Variants in GJB7 observed in about 807,000 individuals in gnomAD.
The protein encoded by GJB7 is gap junction beta-7 protein.
For missense variants in GJB7, 253 were observed against 256.8 expected (o/e 0.99, Z 0.10); for synonymous variants, 87 against 95.2 (o/e 0.91, Z 0.50).
At chr6:87,302,807 C>T (rs1776355130) in intron 2 of GJB7, among the ~76,000 whole-genome samples, 1 of 152,124 alleles carries the variant, frequency 6.6e-6, no homozygotes. Context: ...AAAGGGAAGC[C>T]CATCAGACTA....
intron 2 of GJB7, chr6:87,300,453 C>A: frequency 4.2e-6 from 1 of 237,950 alleles, no homozygotes; most frequent in Non-Finnish European, 9.2e-6. Context: ...TGTTCTTATT[C>A]CTAGAATAGT....
chr6:87,291,369 G>A (rs1215296638), intron 2 of GJB7, among the ~76,000 whole-genome samples: 1 of 152,116 alleles, frequency 6.6e-6, no homozygotes, highest in Non-Finnish European at 1.5e-5. Context: ...ATACTGAGTA[G>A]AAAGAACAGT....
chr6:87,284,649 T>G lies in GJB7; in HGVS notation c.264A>C (p.Ser88=). The change falls in exon 3 of 3, where the codon TCA becomes TCC. Residue 88 remains serine (S), a synonymous_variant. Coordinates refer to ENST00000525899, the MANE Select transcript of GJB7 (RefSeq NM_198568.3). ...ALQLIMVSTP[S]LLVVLHVAYH... The stretch of plus-strand genomic sequence containing the variant: ...AGGCTACATGTAAAACCACCAGAAG[T>G]GAAGGTGTGGAGACCATTATCAGTT... 3 of 1,614,108 alleles carry G rather than the reference T, an allele frequency of 1.9e-6. No individual in the cohort carries two copies. Among genetic ancestry groups the G allele is most frequent in the Non-Finnish European group, 2.5e-6 (3 of 1,180,006 alleles).
chr6:87,323,830 GATCCCTGAGGA>G (rs1390053559), intron 1 of GJB7, among the ~76,000 whole-genome samples: 4 of 152,040 alleles, frequency 2.6e-5, no homozygotes, highest in Non-Finnish European at 5.9e-5. Context: ...TCTAGTTCTA[GATCCCTGAGGA>G]ATCGCCACAC....
At chr6:87,311,467 G>C (rs1056117472) in intron 2 of GJB7, among the ~76,000 whole-genome samples, 1 of 152,158 alleles carries the variant, frequency 6.6e-6, no homozygotes, top group African/African-American at 2.4e-5. Context: ...TGTTGACCAA[G>C]CAAAGCTTAC....
chr6:87,327,035 G>C (rs12213932), intron 1 of GJB7, among the ~76,000 whole-genome samples: 81,206 of 134,698 alleles, frequency 0.6, 25,074 homozygotes, highest in African/African-American at 0.67. Flanking sequence ...CCTTCTTTGT[G>C]TCTTTTGATC....
intron 2 of GJB7, among the ~76,000 whole-genome samples, chr6:87,308,830 A>G (rs540771324): frequency 8.5e-5 from 13 of 152,324 alleles, no homozygotes; most frequent in African/African-American, 3.1e-4. Flanking sequence ...CATGACTTTT[A>G]AAGAAACAAA....
At chr6:87,316,503 A>G (rs771618080) in intron 2 of GJB7, among the ~76,000 whole-genome samples, 55 of 152,178 alleles carry the variant, frequency 3.6e-4, no homozygotes, top group Non-Finnish European at 7.1e-4. Flanking sequence ...CAGGTGTAGG[A>G]AAGAGTGTTC....
rs1182695105 is a variant in GJB7, at chr6:87,283,380, G to C, written c.*861C>G. ...CTTCCTATCAATGTGTTGCCTTCTG[G>C]GGGACCTGCTTTCCTTTCTGACTCT... On this transcript the variant is annotated 3_prime_UTR_variant, in exon 3 of 3. Coordinates refer to ENST00000525899, the MANE Select transcript of GJB7 (RefSeq NM_198568.3). 6.6e-6 allele frequency: 1 copy of C among 152,164 alleles called. No individual in the cohort carries two copies. The allele number at this position is 152,164 out of a possible 1,614,324, so 9.4% of individuals were successfully genotyped here.
intron 2 of GJB7, among the ~76,000 whole-genome samples, chr6:87,298,388 A>T (rs1776275680): frequency 6.6e-6 from 1 of 152,238 alleles, no homozygotes; most frequent in Non-Finnish European, 1.5e-5. Flanking sequence ...TTGAGGACTG[A>T]AGTTGAGCTA....
rs1776930734 is a variant in GJB7, at chr6:87,329,215, G to C, written c.-283C>G. 1 of 154,576 alleles carries C rather than the reference G, an allele frequency of 6.5e-6. No individual in the cohort carries two copies. The highest frequency in any genetic ancestry group is 2.4e-5 in the African/African-American group (1 of 41,470). 9.6% of individuals were successfully genotyped at this position (154,576 alleles called of 1,614,324 possible). On this transcript the variant is annotated 5_prime_UTR_variant, in exon 1 of 3. Transcript: ENST00000525899. ...GAAATGCAGAAATCACCCATCTTCT[G>C]CGTTGCTCACTCTGGGAGCTGTAGA...
chr6:87,324,411 T>G (rs1351547396), intron 1 of GJB7, among the ~76,000 whole-genome samples: 2 of 151,696 alleles, frequency 1.3e-5, no homozygotes, highest in Non-Finnish European at 1.5e-5. Context: ...AGGTCTAACG[T>G]TTAAGTCTTT....
chr6:87,298,485 G>A (rs186194230), intron 2 of GJB7, among the ~76,000 whole-genome samples: 2 of 152,328 alleles, frequency 1.3e-5, no homozygotes, highest in Admixed American at 1.3e-4. Flanking sequence ...CAGAATTTCA[G>A]TAAGGCAAAT....
chr6:87,306,293 A>T (rs528346583), intron 2 of GJB7, among the ~76,000 whole-genome samples: 4 of 152,342 alleles, frequency 2.6e-5, no homozygotes, highest in Admixed American at 2.6e-4. Context: ...CAAAGGGCTA[A>T]TATCCAGAAT....
chr6:87,293,412 T>C (rs1015496995), intron 2 of GJB7, among the ~76,000 whole-genome samples: 10 of 152,356 alleles, frequency 6.6e-5, no homozygotes, highest in Admixed American at 6.5e-4. Context: ...ATAAATCCAA[T>C]AAAGCAGATA....
intron 2 of GJB7, among the ~76,000 whole-genome samples, chr6:87,286,519 C>T (rs1400687029): frequency 1.3e-5 from 2 of 152,216 alleles, no homozygotes; most frequent in African/African-American, 4.8e-5. Flanking sequence ...AGTACATCCA[C>T]GATGCTATTT....
At chr6:87,323,210 C>T (rs968677451) in intron 1 of GJB7, among the ~76,000 whole-genome samples, 167 bp from the exon 2 acceptor site, 1 of 152,202 alleles carries the variant, frequency 6.6e-6, no homozygotes, top group Admixed American at 6.5e-5. Context: ...CAAAGCCTTT[C>T]CCCTTTTTTC....
chr6:87,298,061 G>A (rs1776270423), intron 2 of GJB7, among the ~76,000 whole-genome samples: 1 of 152,180 alleles, frequency 6.6e-6, no homozygotes, highest in Admixed American at 6.5e-5. Flanking sequence ...GGTATTGGCT[G>A]GAGTCAGAGA....
chr6:87,318,621 T>G (rs537987334), intron 2 of GJB7, among the ~76,000 whole-genome samples: 1 of 152,326 alleles, frequency 6.6e-6, no homozygotes, highest in African/African-American at 2.4e-5. Context: ...GTGTGACATT[T>G]GCTAATATCA....
Sources: allele counts gnomAD v4.1 joint callset (sites outside exome capture counted in the v4.1 genomes callset), GRCh38; gene constraint gnomAD v4.1.1; transcripts MANE v1.5; gene names NCBI Gene and HGNC (gene_info 2026-07-23, HGNC 2026-07-21).